The following SLC44A5 variants were observed in gnomAD, a reference collection of about 807,000 sequenced individuals.
SLC44A5 encodes the protein choline transporter-like protein 5.
SLC44A5 carries 57 observed loss-of-function variants against 101.8 expected under a neutral mutation model. That is an observed-to-expected ratio of 0.56 (90% CI 0.45 to 0.70). SLC44A5 has a LOEUF of 0.70. SLC44A5 is among the 30% of genes least tolerant of loss of function. SLC44A5 has a pLI of 0.00. For missense variants in SLC44A5, 737 were observed against 853.1 expected (o/e 0.86, Z 1.70); for synonymous variants, 281 against 290.9 (o/e 0.97, Z 0.35).
intron 1 of SLC44A5, among the ~76,000 whole-genome samples, chr1:75,591,936 A>G (rs950450640): frequency 1.3e-5 from 2 of 152,140 alleles, no homozygotes. Context: ...CTGAATAGGG[A>G]AAAACCAAAA....
At chr1:75,369,988 C>G (rs1351353008) in intron 3 of SLC44A5, among the ~76,000 whole-genome samples, 1 of 152,210 alleles carries the variant, frequency 6.6e-6, no homozygotes, top group Non-Finnish European at 1.5e-5. Context: ...TCTACGCCAT[C>G]AAGATACCAT....
At chr1:75,342,258 G>A (rs1476412439) in intron 3 of SLC44A5, among the ~76,000 whole-genome samples, 2 of 152,116 alleles carry the variant, frequency 1.3e-5, no homozygotes, top group South Asian at 4.1e-4. Context: ...TTGTACCAGG[G>A]ACTACCGTAA....
At chr1:75,662,126 A>C in the SLC44A5 span, among the ~76,000 whole-genome samples, 1 of 152,110 alleles carries the variant, frequency 6.6e-6, no homozygotes. Context: ...ACTGATAATG[A>C]AAATATGGTA....
intron 3 of SLC44A5, among the ~76,000 whole-genome samples, chr1:75,368,919 C>T (rs1024318648): frequency 6.6e-6 from 1 of 152,040 alleles, no homozygotes; most frequent in African/African-American, 2.4e-5. Flanking sequence ...TAAAGTCCAA[C>T]AAAAATTTTC....
chr1:75,292,787 G>T (rs1653666371), intron 5 of SLC44A5, among the ~76,000 whole-genome samples: 2 of 152,230 alleles, frequency 1.3e-5, no homozygotes, highest in African/African-American at 2.4e-5. Context: ...GAAGAGAAAA[G>T]TATTAGTTGA....
chr1:75,243,992 A>G (rs937002440), intron 7 of SLC44A5, among the ~76,000 whole-genome samples: 3 of 152,068 alleles, frequency 2.0e-5, no homozygotes, highest in African/African-American at 7.2e-5. Context: ...CTCACTAGCC[A>G]TGTAATTTCT....
chr1:75,390,131 G>A (rs950899948), intron 3 of SLC44A5, among the ~76,000 whole-genome samples: 1 of 151,762 alleles, frequency 6.6e-6, no homozygotes, highest in Non-Finnish European at 1.5e-5. Context: ...CACTGAACAG[G>A]CCAATAATGA....
chr1:75,586,804 C>G (rs902747077), intron 1 of SLC44A5, among the ~76,000 whole-genome samples: 12 of 152,068 alleles, frequency 7.9e-5, no homozygotes, highest in African/African-American at 2.9e-4. Flanking sequence ...CTATGTACCC[C>G]AAGGGCCTAG....
intron 2 of SLC44A5, among the ~76,000 whole-genome samples, chr1:75,477,921 G>A (rs1401047603): frequency 1.8e-4 from 27 of 151,958 alleles, no homozygotes; most frequent in East Asian, 1.2e-3. Flanking sequence ...GATACTCCTC[G>A]AGAACAGCAA....
intron 4 of SLC44A5, among the ~76,000 whole-genome samples, chr1:75,301,701 T>C (rs1282499706): frequency 1.3e-5 from 2 of 152,200 alleles, no homozygotes; most frequent in Non-Finnish European, 2.9e-5. Context: ...TATACTTGTA[T>C]TACTTTCAGA....
intron 2 of SLC44A5, among the ~76,000 whole-genome samples, chr1:75,467,202 T>C (rs1020659900): frequency 1.3e-5 from 2 of 151,876 alleles, no homozygotes; most frequent in Non-Finnish European, 2.9e-5. Context: ...AATAGATAAA[T>C]ATTCCAGGTT....
chr1:75,669,730 C>T, the SLC44A5 span, among the ~76,000 whole-genome samples: 1 of 151,994 alleles, frequency 6.6e-6, no homozygotes, highest in African/African-American at 2.4e-5. Context: ...AAAAAAACAC[C>T]AGACACATAC....
intron 23 of SLC44A5, among the ~76,000 whole-genome samples, chr1:75,210,127 G>A (rs567169992): frequency 1.8e-4 from 27 of 151,936 alleles, no homozygotes; most frequent in African/African-American, 6.3e-4. Flanking sequence ...GCTCACTGCA[G>A]CCTTGAACTC....
chr1:75,261,268 C>A (rs1650479925), intron 6 of SLC44A5, among the ~76,000 whole-genome samples: 1 of 151,672 alleles, frequency 6.6e-6, no homozygotes, highest in African/African-American at 2.4e-5. Context: ...AAATAGTCAG[C>A]TAGCGAGAGT....
chr1:75,518,142 A>C (rs1669934422), intron 2 of SLC44A5, among the ~76,000 whole-genome samples: 2 of 152,224 alleles, frequency 1.3e-5, no homozygotes, highest in African/African-American at 4.8e-5. Flanking sequence ...TTTCTACTTT[A>C]AACCTCAGGA....
chr1:75,641,706 G>C, the SLC44A5 span: 1 of 1,552,448 alleles, frequency 6.4e-7, no homozygotes, highest in Admixed American at 1.7e-5. Context: ...ATGAGATACT[G>C]CATATTCAAG....
intron 1 of SLC44A5, among the ~76,000 whole-genome samples, chr1:75,595,673 A>C (rs150624506): frequency 6.6e-6 from 1 of 152,318 alleles, no homozygotes; most frequent in South Asian, 2.1e-4. Context: ...ATTCACTTGC[A>C]TAATTTTTAA....
chr1:75,635,524 T>C, the SLC44A5 span, among the ~76,000 whole-genome samples: 5 of 151,082 alleles, frequency 3.3e-5, no homozygotes, highest in African/African-American at 7.3e-5. Context: ...ATGGATGAAA[T>C]TGGAAATCAT....
chr1:75,402,728 A>G (rs1276503766), intron 2 of SLC44A5, among the ~76,000 whole-genome samples: 4 of 152,036 alleles, frequency 2.6e-5, no homozygotes, highest in African/African-American at 9.7e-5. Flanking sequence ...CTACACCACC[A>G]CACCACCAGG....
Sources: allele counts gnomAD v4.1 joint callset (sites outside exome capture counted in the v4.1 genomes callset), GRCh38; gene constraint gnomAD v4.1.1; transcripts MANE v1.5; gene names NCBI Gene and HGNC (gene_info 2026-07-23, HGNC 2026-07-21).